SNED1: variants seen among roughly 807,000 people sequenced by gnomAD.
SNED1 encodes sushi, nidogen and EGF like domains 1, also known as sushi, nidogen and EGF-like domain-containing protein 1.
Under a neutral mutation model 166.7 loss-of-function variants are expected in SNED1, and 81 were observed. The observed-to-expected ratio is 0.49, with a 90% CI of 0.41 to 0.58. The LOEUF is 0.58. SNED1 is among the 20% of genes least tolerant of loss of function. The pLI, the probability that SNED1 is intolerant of heterozygous loss-of-function variation, is 0.00. For synonymous variants in SNED1, 762 were observed against 822.0 expected (o/e 0.93, Z 1.25); for missense variants, 1,604 against 2,000.2 (o/e 0.80, Z 3.78).
rs568916585 is a variant in SNED1 at position 241,071,288 on chromosome 2, C to T, written c.3590-288C>T. 5.5e-5 allele frequency: 27 copies of T among 492,444 alleles called. No homozygotes were observed. In the East Asian group the frequency reaches 6.3e-4, roughly 11 times the overall value. The allele number at this position is 492,444 out of a possible 1,614,324, so 30.5% of individuals were successfully genotyped here. A position where few individuals can be genotyped will look rare whatever the true frequency, so the allele number is the denominator to read the frequency against. On this transcript the variant is annotated intron_variant, in intron 24 of 31. Coordinates refer to ENST00000310397, the MANE Select transcript of SNED1 (RefSeq NM_001080437.3). Reference sequence around the variant, plus strand: ...CCCAGCCCCTTGAGAACTTGAGTGACGGGCAGGGGCCTAGACTCAGCCCTG... The same window carrying T: ...CCCAGCCCCTTGAGAACTTGAGTGATGGGCAGGGGCCTAGACTCAGCCCTG...
rs535920553 is a variant in SNED1 at position 240,999,358 on chromosome 2, G to A, written c.213+308G>A. Among the ~76,000 whole-genome samples, 459 of 152,208 alleles carry A rather than the reference G, an allele frequency of 3.0e-3. 4 individuals carry two copies. Among genetic ancestry groups the A allele is most frequent in the African/African-American group, 0.011 (447 of 41,576 alleles). On this transcript the variant is annotated intron_variant, in intron 1 of 31. Coordinates refer to ENST00000310397, the MANE Select transcript of SNED1 (RefSeq NM_001080437.3). The surrounding 1 kb of genome is among the most constrained non-coding windows in gnomAD (Gnocchi z 5.8). ...GGCGCCTGATTCCCAGGGGAGAGCA[G>A]GGGTCCTGGTACTGCCCTGGTTTTC...
At chr2:241,046,759 C>G (rs2061658593) in intron 8 of SNED1, among the ~76,000 whole-genome samples, 1 of 152,156 alleles carries the variant, frequency 6.6e-6, no homozygotes, top group South Asian at 2.1e-4. Context: ...TGTTAAAATT[C>G]ATAGAGGTGT....
chr2:241,021,193 C>T (rs935556773), intron 1 of SNED1, among the ~76,000 whole-genome samples: 2 of 152,206 alleles, frequency 1.3e-5, no homozygotes, highest in African/African-American at 4.8e-5. Context: ...CTGTTAGCTC[C>T]TTGTCAGTGC....
chr2:241,082,130 C>T (rs2063357025), intron 28 of SNED1, 147 bp from the exon 29 acceptor site: 1 of 639,806 alleles, frequency 1.6e-6, no homozygotes, highest in Non-Finnish European at 2.7e-6. Flanking sequence ...AAGCCAGCTG[C>T]AGACCCCCGG....
Position 241,049,685 on chromosome 2 carries a change from G to A in SNED1, c.1619-132G>A, listed in dbSNP as rs1486943531. 5 of 655,662 alleles carry A rather than the reference G, an allele frequency of 7.6e-6. No homozygotes were observed. In the African/African-American group the frequency reaches 9.0e-5, roughly 12 times the overall value. The allele number at this position is 655,662 out of a possible 1,614,324, so 40.6% of individuals were successfully genotyped here. On this transcript the variant is annotated intron_variant, in intron 11 of 31. Coordinates refer to ENST00000310397, the MANE Select transcript of SNED1 (RefSeq NM_001080437.3). ...TCTGAGGAATCAAGATGCCCACAGA[G>A]TGTATTTTCAGTGGCCTTGGTTCCA...
intron 21 of SNED1, 56 bp downstream of exon 21, chr2:241,065,651 G>T: frequency 6.8e-7 from 1 of 1,476,742 alleles, no homozygotes; most frequent in Non-Finnish European, 9.3e-7. Flanking sequence ...CGAGGGCAGC[G>T]CTGGCCCCGG....
intron 8 of SNED1, among the ~76,000 whole-genome samples, chr2:241,046,151 T>A (rs938820104): frequency 3.9e-5 from 6 of 152,064 alleles, no homozygotes; most frequent in African/African-American, 7.2e-5. Flanking sequence ...CTAAAAAAAA[T>A]AATACTGACC....
In SNED1 at chr2:241,034,658, G is replaced by A. The variant is rs766361810; in HGVS notation, c.733G>A (p.Val245Met). The A allele has an allele frequency of 3.0e-5, 48 of 1,610,776 alleles. No homozygotes were observed. The highest frequency in any genetic ancestry group is 3.8e-5 in the Non-Finnish European group (45 of 1,179,050). The change falls in exon 4 of 32, where the codon GTG becomes ATG. Residue 245 changes from valine (V) to methionine (M), a missense_variant. Val to Met is a conservative substitution (Grantham distance 21). This residue lies in a region of SNED1 where 1,237 missense variants were observed against 1,620.8 expected (regional missense o/e 0.76). Coordinates refer to ENST00000310397, the MANE Select transcript of SNED1 (RefSeq NM_001080437.3). ...GGCCGAGGTGGAGACCACCACCAAC[G>A]TGGGTGTGCCCGGGCGCTGGGCGTT... ...DMAEVETTTN[V>M]GVPGRWAFRI... is the part of the protein sequence containing the mutation.
chr2:241,063,738 T>A lies in SNED1; in HGVS notation c.2485+38T>A, dbSNP rs1475596395. 7 of 1,392,272 alleles carry A rather than the reference T, an allele frequency of 5.0e-6. No individual in the cohort carries two copies. In the Admixed American group the frequency reaches 1.3e-4, roughly 27 times the overall value. 86.2% of individuals were successfully genotyped at this position (1,392,272 alleles called of 1,614,324 possible). The stretch of plus-strand genomic sequence containing the variant: ...TCCAGTGGGCCCCACATGCAGAGCC[T>A]GGGCCTCTGGAAGATCAGAGAGGAG... On this transcript the variant is annotated intron_variant, in intron 18 of 31. Coordinates refer to ENST00000310397, the MANE Select transcript of SNED1 (RefSeq NM_001080437.3).
At chr2:241,089,998 G>A (rs1367960349) in intron 31 of SNED1, 35 of 1,549,196 alleles carry the variant, frequency 2.3e-5, no homozygotes, top group East Asian at 2.2e-4. Context: ...GGCGCTTAGC[G>A]TAGCTGGAAT....
At chr2:241,081,925 C>T (rs1029946928) in intron 28 of SNED1, 132 bp downstream of exon 28, 2 of 696,646 alleles carry the variant, frequency 2.9e-6, no homozygotes, top group South Asian at 3.5e-5. Flanking sequence ...GTCTGGTGCA[C>T]GGGGCTGACC....
chr2:241,048,771 G>T lies in SNED1; in HGVS notation c.1504+5G>T. 4 of 1,602,280 alleles carry T rather than the reference G, an allele frequency of 2.5e-6. No individual in the cohort carries two copies. Among genetic ancestry groups the T allele is most frequent in the South Asian group, 1.1e-5 (1 of 89,352 alleles). On this transcript the variant is annotated splice_donor_5th_base_variant and intron_variant, in intron 10 of 31. Coordinates refer to ENST00000310397, the MANE Select transcript of SNED1 (RefSeq NM_001080437.3). The stretch of plus-strand genomic sequence containing the variant: ...TTGGGCTTCTCTGTGAATTTGGTAG[G>T]TGCCCAGGTCACCCTTCCTGCCCTG...
intron 15 of SNED1, 123 bp from the exon 16 acceptor site, chr2:241,053,030 G>A (rs1459790647): frequency 5.5e-6 from 5 of 907,692 alleles, no homozygotes; most frequent in East Asian, 2.7e-5. Flanking sequence ...ACCTTTCCCC[G>A]GTGAAGGGCA....
intron 31 of SNED1, chr2:241,090,104 T>C: frequency 1.3e-6 from 2 of 1,499,254 alleles, no homozygotes; most frequent in Non-Finnish European, 1.8e-6. Context: ...ATTTTTAATT[T>C]TTACTTTTTA....
chr2:241,021,321 T>C (rs1200541570), intron 1 of SNED1, among the ~76,000 whole-genome samples: 2 of 152,230 alleles, frequency 1.3e-5, no homozygotes. Flanking sequence ...GTTCACTCTT[T>C]TAAAGTATAC....
At chr2:241,023,999 C>T (rs1254214588) in intron 1 of SNED1, among the ~76,000 whole-genome samples, 2 of 146,414 alleles carry the variant, frequency 1.4e-5, no homozygotes, top group African/African-American at 2.5e-5. Flanking sequence ...AATTCTCCTG[C>T]CTCAGCCTCC....
intron 16 of SNED1, among the ~76,000 whole-genome samples, chr2:241,057,890 T>C (rs182596109): frequency 5.5e-4 from 83 of 152,254 alleles, no homozygotes; most frequent in African/African-American, 1.9e-3. Flanking sequence ...AGTTATCAGA[T>C]TTCATGGTAA....
intron 6 of SNED1, among the ~76,000 whole-genome samples, chr2:241,038,112 C>T (rs1197086128): frequency 6.7e-6 from 1 of 149,506 alleles, no homozygotes; most frequent in Admixed American, 6.7e-5. Context: ...TAGGGCTCTG[C>T]TCAGGGAGCT....
At chr2:241,077,944 T>A (rs2063106412) in intron 27 of SNED1, among the ~76,000 whole-genome samples, 1 of 152,182 alleles carries the variant, frequency 6.6e-6, no homozygotes, top group Non-Finnish European at 1.5e-5. Context: ...AACCAATAGT[T>A]ACCGCATGAC....
Sources: gnomAD v4.1 joint callset for allele counts (sites outside exome capture counted in the v4.1 genomes callset) on GRCh38, gnomAD v4.1.1 for gene constraint, gnomAD v4.1.1 regional missense constraint, Gnocchi (gnomAD v3.1) non-coding constraint, MANE v1.5 for transcripts, NCBI Gene and HGNC (gene_info 2026-07-23, HGNC 2026-07-21) for gene names.